The following DNAJC5 variants were observed in gnomAD, a reference collection of about 807,000 sequenced individuals.
DNAJC5 encodes DnaJ heat shock protein family (Hsp40) member C5.
DNAJC5 carries 1 observed loss-of-function variant against 23.2 expected under a neutral mutation model. That is an observed-to-expected ratio of 0.04 (90% CI 0.02 to 0.20). The LOEUF (loss-of-function observed/expected upper bound fraction) is 0.20. Ranked by LOEUF, DNAJC5 falls within the 10% of genes least tolerant of loss-of-function variation. The pLI, the probability that DNAJC5 is intolerant of heterozygous loss-of-function variation, is 1.00. For synonymous variants in DNAJC5, 136 were observed against 120.0 expected (o/e 1.13, Z -0.87); for missense variants, 180 against 267.0 (o/e 0.67, Z 2.27).
At chr20:63,909,458 G>A (rs2053468325) in intron 1 of DNAJC5, among the ~76,000 whole-genome samples, 1 of 152,168 alleles carries the variant, frequency 6.6e-6, no homozygotes, top group Non-Finnish European at 1.5e-5. Context: ...AGCCGAGATG[G>A]CGCCACTGCA....
rs2053632285 is a variant in DNAJC5, at chr20:63,928,313, TTC to T, written c.-11-20_-11-19del. ...ACTTTCATCTATACTTTGTGATACTTTCTTTTTATTTTTTCTTCTAGAATAGC... is the reference window on the plus strand; with the variant it reads ...ACTTTCATCTATACTTTGTGATACTTTTTTTATTTTTTCTTCTAGAATAGC... On this transcript the variant is annotated intron_variant, in intron 1 of 4. Coordinates refer to ENST00000360864, the MANE Select transcript of DNAJC5 (RefSeq NM_025219.3). This position sits in a 1 kb window ranked among gnomAD's most constrained non-coding sequence, Gnocchi z 4.6. 4 of 1,588,150 alleles carry T rather than the reference TTC, an allele frequency of 2.5e-6. No individual in the cohort carries two copies. The highest frequency in any genetic ancestry group is 3.5e-6 in the Non-Finnish European group (4 of 1,158,166).
At chr20:63,930,826 C>CA in intron 3 of DNAJC5, 25 bp from the exon 4 acceptor site, 3 of 1,611,488 alleles carry the variant, frequency 1.9e-6, no homozygotes, top group Non-Finnish European at 1.7e-6. Context: ...GGAGGCCATG[C>CA]AACACCACCT....
intron 1 of DNAJC5, among the ~76,000 whole-genome samples, chr20:63,909,529 A>C (rs138363093): frequency 1.7e-3 from 254 of 150,580 alleles, no homozygotes; most frequent in Non-Finnish European, 3.1e-3. Flanking sequence ...ACAACAACAA[A>C]AAATTAGCCG....
Position 63,925,868 on chromosome 20 carries a change from C to T in DNAJC5, c.-11-2467C>T, listed in dbSNP as rs572696893. On this transcript the variant is annotated intron_variant, in intron 1 of 4. Coordinates refer to ENST00000360864, the MANE Select transcript of DNAJC5 (RefSeq NM_025219.3). ...TTTGAGACGGAGTCTCGCTGTGTCG[C>T]CCAGGCTGGAGTGCAGTGGTGCGAT... Among the ~76,000 whole-genome samples the T allele has an allele frequency of 7.5e-3, 1,098 of 146,942 alleles. 8 individuals are homozygous for T. The highest frequency in any genetic ancestry group is 0.026 in the African/African-American group (1,030 of 39,700).
intron 1 of DNAJC5, chr20:63,919,321 C>T (rs546032855): frequency 9.3e-4 from 454 of 490,396 alleles, no homozygotes; most frequent in Admixed American, 1.4e-3. Context: ...ATCGATGCAT[C>T]GTAACTGTTG....
chr20:63,922,466 CA>C (rs71333725), intron 1 of DNAJC5, among the ~76,000 whole-genome samples: 198 of 117,230 alleles, frequency 1.7e-3, no homozygotes, highest in Middle Eastern at 4.7e-3. Context: ...GACTCTGTCT[CA>C]AAAAAAAAAA....
At chr20:63,919,669 G>T in intron 1 of DNAJC5, 1 of 402,736 alleles carries the variant, frequency 2.5e-6, no homozygotes, top group South Asian at 1.6e-5. Flanking sequence ...GACGCACCCG[G>T]CTGTGTGGAC....
intron 1 of DNAJC5, among the ~76,000 whole-genome samples, chr20:63,906,734 C>T (rs1056236264): frequency 1.3e-5 from 2 of 151,882 alleles, no homozygotes; most frequent in South Asian, 2.1e-4. Flanking sequence ...TGCAGTGAGC[C>T]GAGATCGCGC....
chr20:63,912,158 C>G (rs2053486393), intron 1 of DNAJC5, among the ~76,000 whole-genome samples: 1 of 152,098 alleles, frequency 6.6e-6, no homozygotes, highest in Admixed American at 6.6e-5. Context: ...CAAAAATTAT[C>G]TGGGCATGGC....
At position 63,920,121 on chromosome 20, in the gene DNAJC5, C is replaced by T. The variant is rs548176739; in HGVS notation, c.-11-8214C>T. Among the ~76,000 whole-genome samples the T allele has an allele frequency of 5.2e-5, 7 of 135,168 alleles. No individual in the cohort carries two copies. The South Asian group carries it at 7.4e-4, about 14-fold the overall frequency. The allele number at this position is 135,168 out of a possible 152,430, so 88.7% of individuals were successfully genotyped here. ...GACATGTGCCCAGGGCCCGGGACAG[C>T]GCCACGGAAGAGGACGCACAGGACA... On this transcript the variant is annotated intron_variant, in intron 1 of 4. Transcript: ENST00000360864. The surrounding 1 kb of genome is among the most constrained non-coding windows in gnomAD (Gnocchi z 4.6).
chr20:63,913,105 C>CCTGCCCCGTCTCCATCTCCCTGTCTGCA (rs1555878050), intron 1 of DNAJC5, among the ~76,000 whole-genome samples: 105 of 152,090 alleles, frequency 6.9e-4, no homozygotes, highest in East Asian at 1.5e-3. Flanking sequence ...ACTGTCTCTC[C>CCTGCCCCGTCTCCATCTCCCTGTCTGCA]CAGAGGTGTT....
intron 1 of DNAJC5, among the ~76,000 whole-genome samples, chr20:63,898,746 C>T (rs898137834): frequency 6.6e-6 from 1 of 152,230 alleles, no homozygotes; most frequent in South Asian, 2.1e-4. Flanking sequence ...GAGGCTGAGG[C>T]AGGAGAATTG....
intron 1 of DNAJC5, among the ~76,000 whole-genome samples, chr20:63,914,942 T>C (rs1422288950): frequency 6.6e-6 from 1 of 152,206 alleles, no homozygotes; most frequent in African/African-American, 2.4e-5. Context: ...GTAAAAGTTT[T>C]GGAAATGGCC....
At position 63,920,642 on chromosome 20, in the gene DNAJC5, G is replaced by A. The variant is rs1374933064; in HGVS notation, c.-11-7693G>A. ...CTGGGATACGCTGGATTTGTAAAACGTGACCCTTTTTGTTTGCTTTTAATT... is the reference window on the plus strand; with the variant it reads ...CTGGGATACGCTGGATTTGTAAAACATGACCCTTTTTGTTTGCTTTTAATT... On this transcript the variant is annotated intron_variant, in intron 1 of 4. Transcript: ENST00000360864. This position sits in a 1 kb window ranked among gnomAD's most constrained non-coding sequence, Gnocchi z 4.6. Among the ~76,000 whole-genome samples the A allele has an allele frequency of 6.6e-6, 1 of 152,202 alleles. No individual in the cohort carries two copies. The highest frequency in any genetic ancestry group is 2.4e-5 in the African/African-American group (1 of 41,456).
At chr20:63,918,492 T>C (rs893112437) in intron 1 of DNAJC5, among the ~76,000 whole-genome samples, 1 of 152,238 alleles carries the variant, frequency 6.6e-6, no homozygotes, top group Non-Finnish European at 1.5e-5. Context: ...GAATTTAAGG[T>C]ATATATGGGG....
intron 1 of DNAJC5, among the ~76,000 whole-genome samples, chr20:63,917,065 T>C (rs566798109): frequency 6.6e-6 from 1 of 152,298 alleles, no homozygotes; most frequent in Non-Finnish European, 1.5e-5. Context: ...ACATCCTCAG[T>C]TTATGAAGAT....
rs2053364319 is a variant in DNAJC5 at position 63,895,169 on chromosome 20, C to CTGCCGCTGCCGCTGCCGCTGCCGG, written c.-161_-160insCTGCCGCTGCCGCTGCCGGTGCCG. ...GTCTCCGCTGCCGCTGCCGCTGCCG[C>CTGCCGCTGCCGCTGCCGCTGCCGG]TGCCGGTGCCGCACCCGCGCCCTCT... On this transcript the variant is annotated 5_prime_UTR_variant, in exon 1 of 5. Coordinates refer to ENST00000360864, the MANE Select transcript of DNAJC5 (RefSeq NM_025219.3). The CTGCCGCTGCCGCTGCCGCTGCCGG allele has an allele frequency of 6.5e-6, 1 of 154,166 alleles. No individual in the cohort carries two copies. The highest frequency in any genetic ancestry group is 6.6e-5 in the Admixed American group (1 of 15,166). The allele number at this position is 154,166 out of a possible 1,614,324, so 9.5% of individuals were successfully genotyped here.
At chr20:63,930,472 C>T (rs562097022) in intron 3 of DNAJC5, among the ~76,000 whole-genome samples, 5 of 152,330 alleles carry the variant, frequency 3.3e-5, no homozygotes, top group Non-Finnish European at 5.9e-5. Context: ...CTCTGCCTCC[C>T]GAGTGGCTGG....
At chr20:63,901,542 G>A (rs1336778579) in intron 1 of DNAJC5, among the ~76,000 whole-genome samples, 7 of 152,220 alleles carry the variant, frequency 4.6e-5, no homozygotes, top group Non-Finnish European at 8.8e-5. Context: ...CTGCGTCCGC[G>A]CGCTCCACAT....
Sources: allele counts gnomAD v4.1 joint callset (sites outside exome capture counted in the v4.1 genomes callset), GRCh38; gene constraint gnomAD v4.1.1; non-coding constraint Gnocchi (gnomAD v3.1); transcripts MANE v1.5; gene names NCBI Gene and HGNC (gene_info 2026-07-23, HGNC 2026-07-21).